ADK: variants seen among roughly 807,000 people sequenced by gnomAD.
ADK encodes the protein N6,N6-dimethyladenosine kinase.
In ADK, 24 loss-of-function variants were observed where a neutral mutation model predicts 44.7. The observed-to-expected ratio is 0.54, with a 90% CI of 0.39 to 0.76. The LOEUF is 0.76. Ranked by LOEUF, ADK falls within the 30% of genes least tolerant of loss-of-function variation. The pLI, the probability that ADK is intolerant of heterozygous loss-of-function variation, is 0.00. For missense variants in ADK, 321 were observed against 425.1 expected (o/e 0.76, Z 2.15); for synonymous variants, 128 against 142.6 (o/e 0.90, Z 0.73).
At chr10:74,297,602 G>C (rs1186844403) in intron 3 of ADK, among the ~76,000 whole-genome samples, 1 of 152,202 alleles carries the variant, frequency 6.6e-6, no homozygotes, top group Non-Finnish European at 1.5e-5. Flanking sequence ...GTTATTTAAA[G>C]TAGGGGTTGG....
At chr10:74,695,002 A>C (rs543236229) in intron 10 of ADK, among the ~76,000 whole-genome samples, 1 of 151,910 alleles carries the variant, frequency 6.6e-6, no homozygotes, top group East Asian at 1.9e-4. Flanking sequence ...CAAATTGAAA[A>C]CTAGTTGCCT....
chr10:74,565,479 G>A (rs1410182999), intron 7 of ADK, among the ~76,000 whole-genome samples: 1 of 152,200 alleles, frequency 6.6e-6, no homozygotes, highest in African/African-American at 2.4e-5. Context: ...TGTAATCCCA[G>A]CACTTTGGGA....
At chr10:74,364,767 C>T (rs1015053847) in intron 4 of ADK, among the ~76,000 whole-genome samples, 3 of 147,014 alleles carry the variant, frequency 2.0e-5, no homozygotes, top group African/African-American at 7.6e-5. Flanking sequence ...CAAATGAATT[C>T]CAATGGATTC....
chr10:74,271,963 T>C (rs11000948), intron 3 of ADK, among the ~76,000 whole-genome samples: 19,476 of 152,040 alleles, frequency 0.13, 1,306 homozygotes, highest in Middle Eastern at 0.17. Flanking sequence ...ACCCCATTGA[T>C]AGTAAATTAA....
intron 6 of ADK, among the ~76,000 whole-genome samples, chr10:74,500,767 G>A (rs921852018): frequency 2.0e-5 from 3 of 152,176 alleles, no homozygotes; most frequent in South Asian, 2.1e-4. Context: ...AGTGTCAAGG[G>A]CTATCTATCC....
chr10:74,165,311 G>C (rs1211710952), intron 1 of ADK, among the ~76,000 whole-genome samples: 1 of 152,082 alleles, frequency 6.6e-6, no homozygotes, highest in Non-Finnish European at 1.5e-5. Flanking sequence ...GTACAGTTGA[G>C]GGTATTAAAG....
rs139230998 is a variant in ADK, at chr10:74,274,747, TACACAC to T, written c.195-39914_195-39909del. 1.3e-3 allele frequency among the ~76,000 whole-genome samples: 122 copies of T among 95,340 alleles called. 8 individuals carry two copies. The highest frequency in any genetic ancestry group is 2.3e-3 in the Non-Finnish European group (94 of 41,302). 62.5% of individuals were successfully genotyped at this position (95,340 alleles called of 152,430 possible). On this transcript the variant is annotated intron_variant, in intron 3 of 10. Coordinates refer to ENST00000539909, the MANE Select transcript of ADK (RefSeq NM_006721.4). ...TTTAATGTGTGTATATATATATATA[TACACAC>T]ACACATTATATATATATAATTTTTT...
At chr10:74,456,383 A>C (rs1464498387) in intron 6 of ADK, among the ~76,000 whole-genome samples, 1 of 152,118 alleles carries the variant, frequency 6.6e-6, no homozygotes, top group African/African-American at 2.4e-5. Flanking sequence ...GGATTAAGAA[A>C]GTCACTCAAG....
At chr10:74,519,999 T>C (rs1388561123) in intron 6 of ADK, among the ~76,000 whole-genome samples, 1 of 152,042 alleles carries the variant, frequency 6.6e-6, no homozygotes, top group Non-Finnish European at 1.5e-5. Flanking sequence ...ACTTCTCTTT[T>C]ATCATAGATT....
At chr10:74,254,455 C>G (rs945661611) in intron 3 of ADK, among the ~76,000 whole-genome samples, 3 of 151,792 alleles carry the variant, frequency 2.0e-5, no homozygotes, top group African/African-American at 7.3e-5. Context: ...GTTGCTGGAT[C>G]TAGATATGCC....
chr10:74,677,649 C>T (rs1312855057), intron 10 of ADK, among the ~76,000 whole-genome samples: 1 of 152,054 alleles, frequency 6.6e-6, no homozygotes, highest in Non-Finnish European at 1.5e-5. Context: ...TTCATATGAC[C>T]CACATCTGCT....
intron 3 of ADK, among the ~76,000 whole-genome samples, chr10:74,303,284 A>G (rs556631559): frequency 1.3e-5 from 2 of 152,304 alleles, no homozygotes; most frequent in South Asian, 4.1e-4. Context: ...CTATATTTTT[A>G]AAGTTTCCTT....
At chr10:74,189,794 T>A (rs1332406626) in intron 1 of ADK, among the ~76,000 whole-genome samples, 3 of 152,164 alleles carry the variant, frequency 2.0e-5, no homozygotes, top group Non-Finnish European at 2.9e-5. Context: ...CTAATCTACC[T>A]TGTCCCTACA....
intron 7 of ADK, among the ~76,000 whole-genome samples, chr10:74,584,374 G>A (rs1217610602): frequency 6.6e-6 from 1 of 152,214 alleles, no homozygotes; most frequent in Non-Finnish European, 1.5e-5. Flanking sequence ...GATGTACTGA[G>A]TGACTGGCTC....
At chr10:74,530,565 A>G (rs1849242440) in intron 7 of ADK, 1 of 152,210 alleles carries the variant, frequency 6.6e-6, no homozygotes, top group Admixed American at 6.5e-5. Context: ...TGAGACAAGA[A>G]ATAAATAAGA....
intron 2 of ADK, among the ~76,000 whole-genome samples, chr10:74,209,091 A>G (rs998395507): frequency 4.6e-5 from 7 of 152,192 alleles, no homozygotes; most frequent in African/African-American, 1.7e-4. Context: ...CCAAAAATTC[A>G]TGTTGAAACT....
chr10:74,292,247 T>G (rs1429471713), intron 3 of ADK, among the ~76,000 whole-genome samples: 3 of 152,214 alleles, frequency 2.0e-5, no homozygotes, highest in Non-Finnish European at 4.4e-5. Flanking sequence ...GAGGGGAATT[T>G]AGGTCTTTTG....
At chr10:74,415,366 A>G (rs944120209) in intron 6 of ADK, among the ~76,000 whole-genome samples, 3 of 149,392 alleles carry the variant, frequency 2.0e-5, no homozygotes, top group African/African-American at 7.7e-5. Context: ...GAGAGGAAAA[A>G]CTTATAAACA....
intron 6 of ADK, among the ~76,000 whole-genome samples, chr10:74,446,936 A>G (rs945935960): frequency 6.6e-6 from 1 of 152,120 alleles, no homozygotes; most frequent in African/African-American, 2.4e-5. Context: ...TGCTTTACCC[A>G]AAGCATTTTA....
Sources: allele counts gnomAD v4.1 joint callset (sites outside exome capture counted in the v4.1 genomes callset), GRCh38; gene constraint gnomAD v4.1.1; transcripts MANE v1.5; gene names NCBI Gene and HGNC (gene_info 2026-07-23, HGNC 2026-07-21).